SGCZ: variants seen among roughly 807,000 people sequenced by gnomAD.
The protein encoded by SGCZ is sarcoglycan zeta, also known as zeta-sarcoglycan.
In SGCZ, 40 loss-of-function variants were observed where a neutral mutation model predicts 41.3. That is an observed-to-expected ratio of 0.97 (90% confidence interval 0.75 to 1.26). The LOEUF (loss-of-function observed/expected upper bound fraction) is 1.26. SGCZ is among the 50% of genes most tolerant of loss of function. The pLI is 0.00. For synonymous variants in SGCZ, 206 were observed against 137.5 expected (o/e 1.50, Z -3.49); for missense variants, 552 against 369.8 (o/e 1.49, Z -4.04).
At chr8:14,375,360 G>A (rs776088522) in intron 2 of SGCZ, among the ~76,000 whole-genome samples, 1 of 151,992 alleles carries the variant, frequency 6.6e-6, no homozygotes, top group East Asian at 1.9e-4. Context: ...GTATAAGAAA[G>A]GTCAAGTGGC....
chr8:15,184,227 T>A (rs1221184326), intron 1 of SGCZ, among the ~76,000 whole-genome samples: 1 of 152,190 alleles, frequency 6.6e-6, no homozygotes, highest in Non-Finnish European at 1.5e-5. Context: ...GAACTTCTGG[T>A]AGGAAACCAA....
chr8:14,229,381 T>C (rs1806483270), intron 4 of SGCZ, among the ~76,000 whole-genome samples: 1 of 152,076 alleles, frequency 6.6e-6, no homozygotes, highest in Non-Finnish European at 1.5e-5. Context: ...AGAGCTCTAA[T>C]TTCTAAAGCG....
At chr8:14,306,756 C>T (rs1801365311) in intron 3 of SGCZ, among the ~76,000 whole-genome samples, 1 of 152,112 alleles carries the variant, frequency 6.6e-6, no homozygotes, top group Non-Finnish European at 1.5e-5. Context: ...CTGTTGTCCT[C>T]CTCCCTGATC....
At chr8:15,139,668 CATAAA>C (rs71666388) in intron 1 of SGCZ, among the ~76,000 whole-genome samples, 20,882 of 152,048 alleles carry the variant, frequency 0.14, 1,919 homozygotes, top group Non-Finnish European at 0.21. Context: ...TTCCAAATAC[CATAAA>C]ATATTTTAAC....
At chr8:14,410,390 A>T (rs1799326802) in intron 2 of SGCZ, among the ~76,000 whole-genome samples, 1 of 130,280 alleles carries the variant, frequency 7.7e-6, no homozygotes, top group South Asian at 2.2e-4. Context: ...TACTTTGTTC[A>T]ATAATTTAAG....
intron 2 of SGCZ, among the ~76,000 whole-genome samples, chr8:14,525,980 G>GAA (rs1033060905): frequency 6.8e-6 from 1 of 146,572 alleles, no homozygotes; most frequent in Non-Finnish European, 1.5e-5. Flanking sequence ...CTTCAGTTAA[G>GAA]AAAAAAAAAA....
At chr8:14,834,295 T>C (rs951803918) in intron 1 of SGCZ, among the ~76,000 whole-genome samples, 3 of 152,196 alleles carry the variant, frequency 2.0e-5, no homozygotes, top group Non-Finnish European at 4.4e-5. Flanking sequence ...GCTTAGCCAT[T>C]TTATTCATGT....
intron 1 of SGCZ, among the ~76,000 whole-genome samples, chr8:14,574,769 T>C (rs1563125622): frequency 6.6e-6 from 1 of 152,186 alleles, no homozygotes; most frequent in Non-Finnish European, 1.5e-5. Flanking sequence ...TTTCAGCCAT[T>C]ATCCTTATCA....
intron 4 of SGCZ, among the ~76,000 whole-genome samples, chr8:14,193,573 T>C (rs1385331756): frequency 2.6e-5 from 4 of 152,030 alleles, no homozygotes; most frequent in Non-Finnish European, 4.4e-5. Context: ...GGCTGCTCTC[T>C]ACAATAATTT....
intron 1 of SGCZ, among the ~76,000 whole-genome samples, chr8:14,781,632 A>T (rs2130435933): frequency 6.6e-6 from 1 of 152,314 alleles, no homozygotes; most frequent in East Asian, 1.9e-4. Flanking sequence ...TAATAACATA[A>T]TATATATAGC....
chr8:15,043,320 G>A (rs368447682), intron 1 of SGCZ, among the ~76,000 whole-genome samples: 9 of 152,098 alleles, frequency 5.9e-5, no homozygotes, highest in East Asian at 5.8e-4. Flanking sequence ...AAACTTTCTC[G>A]GTCGTTTTGA....
intron 1 of SGCZ, among the ~76,000 whole-genome samples, chr8:15,208,780 A>G (rs1801149913): frequency 6.6e-6 from 1 of 151,984 alleles, no homozygotes; most frequent in African/African-American, 2.4e-5. Context: ...CACAAACTGC[A>G]AGATGCTAAT....
Position 14,232,845 on chromosome 8 carries a change from G to A in SGCZ, c.424+4747C>T, listed in dbSNP as rs565791197. ...CAAGGATACCTATGATGAAATACAA[G>A]ATCCTATTTAAAGCATAAGACTGTG... is the stretch of plus-strand genomic sequence containing the variant. On this transcript the variant is annotated intron_variant, in intron 4 of 7. Transcript: ENST00000382080. 8.5e-5 allele frequency among the ~76,000 whole-genome samples: 13 copies of A among 152,100 alleles called. No homozygotes were observed. The East Asian group carries it at 2.3e-3, about 27-fold the overall frequency.
chr8:14,154,654 T>A (rs1554468912), intron 5 of SGCZ, among the ~76,000 whole-genome samples: 1 of 152,226 alleles, frequency 6.6e-6, no homozygotes, highest in Non-Finnish European at 1.5e-5. Flanking sequence ...TAAATCTGAT[T>A]GGCTTTAAAA....
intron 1 of SGCZ, among the ~76,000 whole-genome samples, chr8:15,206,170 G>A (rs991878603): frequency 6.6e-5 from 10 of 152,012 alleles, no homozygotes; most frequent in Non-Finnish European, 8.8e-5. Context: ...TATGTATGCC[G>A]GAACCTAAAA....
At chr8:14,457,332 C>A (rs146224118) in intron 2 of SGCZ, among the ~76,000 whole-genome samples, 10,946 of 152,214 alleles carry the variant, frequency 0.072, 1,317 homozygotes, top group African/African-American at 0.25. Flanking sequence ...CTAGCGGTGA[C>A]GCCAGCGTCT....
intron 2 of SGCZ, among the ~76,000 whole-genome samples, chr8:14,533,254 T>C (rs1803192093): frequency 6.6e-6 from 1 of 151,968 alleles, no homozygotes; most frequent in Admixed American, 6.6e-5. Flanking sequence ...CATTACTTTC[T>C]TTCCAAAATG....
At chr8:14,690,716 T>C (rs751894447) in intron 1 of SGCZ, 3 of 152,150 alleles carry the variant, frequency 2.0e-5, no homozygotes, top group African/African-American at 7.2e-5. Flanking sequence ...GTTAAGTTAG[T>C]TCCTTCATTC....
intron 3 of SGCZ, among the ~76,000 whole-genome samples, chr8:14,281,932 C>T (rs1006302699): frequency 2.6e-5 from 4 of 151,928 alleles, no homozygotes; most frequent in African/African-American, 9.7e-5. Context: ...ATTTTTCCTA[C>T]ACTCCATTTT....
Sources: gnomAD v4.1 joint callset for allele counts (sites outside exome capture counted in the v4.1 genomes callset) on GRCh38, gnomAD v4.1.1 for gene constraint, MANE v1.5 for transcripts, NCBI Gene and HGNC (gene_info 2026-07-23, HGNC 2026-07-21) for gene names.